MYO15B: variants seen among roughly 807,000 people sequenced by gnomAD.
The protein encoded by MYO15B is myosin XVB pseudogene.
Under a neutral mutation model 119.3 loss-of-function variants are expected in MYO15B, and 207 were observed. The observed-to-expected ratio is 1.73, with a 90% CI of 1.55 to 1.95. The LOEUF is 1.95. MYO15B is among the 30% of genes most tolerant of loss of function. MYO15B has a pLI of 0.00. For synonymous variants in MYO15B, 966 were observed against 498.9 expected (o/e 1.94, Z -12.48); for missense variants, 2,264 against 1,203.1 (o/e 1.88, Z -13.04).
chr17:75,590,268 G>A (rs1352483676), intron 1 of MYO15B, 25 bp downstream of exon 1: 3 of 398,968 alleles, frequency 7.5e-6, no homozygotes, highest in South Asian at 1.3e-4. Flanking sequence ...TGCCAAAGCT[G>A]CCATCCCCGG....
intron 53 of MYO15B, among the ~76,000 whole-genome samples, chr17:75,622,748 G>A (rs1415099418): frequency 1.3e-5 from 2 of 152,176 alleles, no homozygotes; most frequent in Non-Finnish European, 2.9e-5. Flanking sequence ...CCAGCAGAGT[G>A]TGCTGACCAA....
chr17:75,617,138 C>A lies in MYO15B; in HGVS notation c.6648C>A (p.Pro2216=), dbSNP rs745682775. ...CCCCGCCAGCTGTGGCTCCTCGACC[C>A]AAGGCCCCGCTACAGCTTGGGCCCT... The change falls in exon 41 of 64, where the codon CCC becomes CCA. Residue 2216 remains proline (P), a synonymous_variant. Coordinates refer to ENST00000645453, the Ensembl canonical transcript of MYO15B. 3 of 686,108 alleles carry A rather than the reference C, an allele frequency of 4.4e-6. No individual in the cohort carries two copies. In the South Asian group the frequency reaches 4.5e-5, roughly 10 times the overall value. The allele number at this position is 686,108 out of a possible 1,614,324, so 42.5% of individuals were successfully genotyped here. A position where few individuals can be genotyped will look rare whatever the true frequency, so the allele number is the denominator to read the frequency against.
At chr17:75,603,056 C>T in exon 18 of MYO15B, 1 of 703,372 alleles carries the variant, frequency 1.4e-6, no homozygotes, top group Admixed American at 2.0e-5. Context: ...TCATCCAGTG[C>T]CTCACCCCTA....
rs143212514 is a variant in MYO15B, at chr17:75,590,662, G to T, written c.2223G>T (p.Lys741Asn). 3.6e-3 allele frequency: 690 copies of T among 190,606 alleles called. 6 individuals carry two copies. The highest frequency in any genetic ancestry group is 0.011 in the African/African-American group (468 of 43,094). 11.8% of individuals were successfully genotyped at this position (190,606 alleles called of 1,614,324 possible). A position where few individuals can be genotyped will look rare whatever the true frequency, so the allele number is the denominator to read the frequency against. The change falls in exon 2 of 64, where the codon AAG becomes AAT. Residue 741 changes from lysine (K) to asparagine (N), a missense_variant. Transcript: ENST00000645453. The stretch of plus-strand genomic sequence containing the variant: ...ACAGCTCTGTGCTGCTGTGCCTCAA[G>T]AAGAGATTTCACCTGGGCCGTATCT...
intron 29 of MYO15B, 107 bp downstream of exon 29, chr17:75,613,884 G>A: frequency 1.6e-6 from 1 of 614,166 alleles, no homozygotes; most frequent in Non-Finnish European, 2.9e-6. Context: ...GGTGCCCCGG[G>A]GTGGGCAGGG....
At chr17:75,601,638 C>T (rs540313740) in intron 15 of MYO15B, 75 bp downstream of exon 15, 17 of 670,276 alleles carry the variant, frequency 2.5e-5, no homozygotes, top group African/African-American at 7.0e-5. Context: ...CACCCGACAG[C>T]GGAGAGGAGT....
exon 1 of MYO15B, chr17:75,590,020 C>T: frequency 2.5e-6 from 1 of 398,868 alleles, no homozygotes; most frequent in Non-Finnish European, 4.4e-6. Context: ...CGCCGTGCTG[C>T]TACCCCGACT....
chr17:75,589,257 A>T lies in MYO15B; in HGVS notation c.1200A>T (p.Pro400=). The change falls in exon 1 of 64, where the codon CCA becomes CCT. Residue 400 remains proline, a synonymous_variant. Coordinates refer to ENST00000645453, the Ensembl canonical transcript of MYO15B. The surrounding 1 kb of genome is among the most constrained non-coding windows in gnomAD (Gnocchi z 4.2). ...AGGGCGAGGGGCAGGGTACCGGGCC[A>T]CGGGCGAGCGAGGGGTGGGGCCGCC... 2.5e-6 allele frequency: 1 copy of T among 398,436 alleles called. No individual in the cohort carries two copies. 24.7% of individuals were successfully genotyped at this position (398,436 alleles called of 1,614,324 possible).
At chr17:75,593,763 T>C (rs1432933872) in intron 9 of MYO15B, among the ~76,000 whole-genome samples, 11 of 151,084 alleles carry the variant, frequency 7.3e-5, no homozygotes, top group African/African-American at 2.7e-4. Flanking sequence ...CTACTAAAAA[T>C]ACAAAATTAG....
intron 12 of MYO15B, 81 bp from the exon 13 acceptor site, chr17:75,596,379 C>A (rs1016838283): frequency 1.5e-6 from 1 of 689,252 alleles, no homozygotes; most frequent in Non-Finnish European, 2.6e-6. Context: ...CATCCCTGCG[C>A]CCTGGCCAGA....
intron 49 of MYO15B, 85 bp downstream of exon 49, chr17:75,620,721 C>T: frequency 1.4e-6 from 1 of 691,904 alleles, no homozygotes; most frequent in Non-Finnish European, 2.6e-6. Flanking sequence ...CCCGAGGCTG[C>T]CATGCGGTGG....
chr17:75,626,087 G>C lies in MYO15B; in HGVS notation c.9073-1G>C. The C allele has an allele frequency of 1.4e-6, 1 of 702,800 alleles. No homozygotes were observed. The allele number at this position is 702,800 out of a possible 1,614,324, so 43.5% of individuals were successfully genotyped here. On this transcript the variant is annotated splice_acceptor_variant, in intron 62 of 63. Coordinates refer to ENST00000645453, the Ensembl canonical transcript of MYO15B. LOFTEE classifies it high-confidence loss of function. ...CCAGCCCTGCTCTCTGCTGCCCCCAGAGCCTGTACTGCCGCATTGCCCTGA... is the reference window on the plus strand; with the variant it reads ...CCAGCCCTGCTCTCTGCTGCCCCCACAGCCTGTACTGCCGCATTGCCCTGA...
intron 55 of MYO15B, 37 bp downstream of exon 55, chr17:75,624,101 G>A (rs576488569): frequency 5.7e-6 from 4 of 702,868 alleles, no homozygotes; most frequent in East Asian, 2.7e-5. Context: ...AGAGGCAGGG[G>A]TTTCTAGGAC....
At chr17:75,588,480 G>A (rs2056202525) in exon 1 of MYO15B, 1 of 398,456 alleles carries the variant, frequency 2.5e-6, no homozygotes, top group Non-Finnish European at 4.4e-6. Flanking sequence ...GGGGCCGCCG[G>A]ACGCCCAGGA....
At chr17:75,588,548 C>G in exon 1 of MYO15B, 1 of 398,746 alleles carries the variant, frequency 2.5e-6, no homozygotes, top group Non-Finnish European at 4.4e-6. Flanking sequence ...GACAGCGAAA[C>G]CCGCGAGGCC....
intron 14 of MYO15B, among the ~76,000 whole-genome samples, chr17:75,601,202 C>T (rs1434645182): frequency 6.6e-6 from 1 of 152,030 alleles, no homozygotes; most frequent in Non-Finnish European, 1.5e-5. Context: ...CGCGCCCAGC[C>T]CAATTTTTAA....
At position 75,619,302 on chromosome 17, in the gene MYO15B, A is replaced by T. The variant is rs925650207; in HGVS notation, c.7064-56A>T. The T allele has an allele frequency of 1.3e-4, 89 of 701,662 alleles. 1 individual carries two copies. The Admixed American group carries it at 1.7e-3, about 13-fold the overall frequency. 43.5% of individuals were successfully genotyped at this position (701,662 alleles called of 1,614,324 possible). A position where few individuals can be genotyped will look rare whatever the true frequency, so the allele number is the denominator to read the frequency against. ...GAAGGAGGGAGCAGCATGGGAGCAA[A>T]CTCTAGAGCCCCCTCTGTGTGAGCA... On this transcript the variant is annotated intron_variant, in intron 44 of 63. Coordinates refer to ENST00000645453, the Ensembl canonical transcript of MYO15B.
At chr17:75,610,437 T>C (rs1033132995) in intron 22 of MYO15B, among the ~76,000 whole-genome samples, 178 bp downstream of exon 22, 8 of 152,194 alleles carry the variant, frequency 5.3e-5, no homozygotes, top group Non-Finnish European at 1.2e-4. Context: ...CCGGGGCCCT[T>C]GGGAGGTGCT....
exon 44 of MYO15B, chr17:75,619,205 G>A (rs1322449388): frequency 1.4e-6 from 1 of 702,840 alleles, no homozygotes; most frequent in Admixed American, 2.0e-5. Flanking sequence ...GGCGGAAAAT[G>A]AAAGACCTGC....
Sources: allele counts gnomAD v4.1 joint callset (sites outside exome capture counted in the v4.1 genomes callset), GRCh38; gene constraint gnomAD v4.1.1; non-coding constraint Gnocchi (gnomAD v3.1); transcripts MANE v1.5; gene names NCBI Gene and HGNC (gene_info 2026-07-23, HGNC 2026-07-21).